Variants in MAP3K5 observed in about 807,000 individuals in gnomAD.
The protein encoded by MAP3K5 is mitogen-activated protein kinase kinase kinase 5.
Under a neutral mutation model 158.7 loss-of-function variants are expected in MAP3K5, and 56 were observed. The observed-to-expected ratio is 0.35, with a 90% CI of 0.28 to 0.44. MAP3K5 has a LOEUF of 0.44. Ranked by LOEUF, MAP3K5 falls within the 20% of genes least tolerant of loss-of-function variation. The probability of loss-of-function intolerance (pLI) is 1.00; values close to 1 mark genes in which losing one functional copy is unlikely to be tolerated. For synonymous variants in MAP3K5, 579 were observed against 601.7 expected (o/e 0.96, Z 0.55); for missense variants, 1,294 against 1,674.8 (o/e 0.77, Z 3.97).
intron 15 of MAP3K5, among the ~76,000 whole-genome samples, chr6:136,618,143 T>C (rs975211146): frequency 6.6e-6 from 1 of 152,224 alleles, no homozygotes; most frequent in African/African-American, 2.4e-5. Context: ...CTGATCCTTC[T>C]TTACAGATGG....
chr6:136,635,242 C>A (rs1010903045), intron 14 of MAP3K5, among the ~76,000 whole-genome samples: 1 of 151,420 alleles, frequency 6.6e-6, no homozygotes, highest in African/African-American at 2.4e-5. Context: ...TTTTCAATTT[C>A]TTTAAGTTTT....
chr6:136,755,905 A>G (rs763068517), intron 1 of MAP3K5, among the ~76,000 whole-genome samples: 10 of 152,150 alleles, frequency 6.6e-5, no homozygotes, highest in South Asian at 4.1e-4. Flanking sequence ...AGAAAACACT[A>G]TCACTGGTAA....
At chr6:136,700,112 G>T (rs1177197263) in intron 3 of MAP3K5, among the ~76,000 whole-genome samples, 2 of 152,006 alleles carry the variant, frequency 1.3e-5, no homozygotes, top group Admixed American at 6.6e-5. Flanking sequence ...AGGAGAAAGA[G>T]AGAGAGAAAG....
At chr6:136,661,875 T>C (rs1208856726) in intron 8 of MAP3K5, among the ~76,000 whole-genome samples, 1 of 152,214 alleles carries the variant, frequency 6.6e-6, no homozygotes, top group Non-Finnish European at 1.5e-5. Context: ...TCAGATGCAC[T>C]CTTGAACCTC....
chr6:136,736,956 G>A (rs537756436), intron 1 of MAP3K5, among the ~76,000 whole-genome samples: 1 of 150,460 alleles, frequency 6.6e-6, no homozygotes, highest in East Asian at 1.9e-4. Context: ...GGGATTACAG[G>A]TACGGATATG....
At chr6:136,558,333 C>G (rs895691611) in intron 29 of MAP3K5, among the ~76,000 whole-genome samples, 21 of 151,192 alleles carry the variant, frequency 1.4e-4, no homozygotes, top group Non-Finnish European at 1.5e-5. Context: ...GAGCTGAGAT[C>G]ACGCCACTGC....
At chr6:136,749,009 T>C (rs1205560525) in intron 1 of MAP3K5, among the ~76,000 whole-genome samples, 1 of 152,228 alleles carries the variant, frequency 6.6e-6, no homozygotes, top group East Asian at 1.9e-4. Flanking sequence ...AAGAAAATTA[T>C]ATAATATGCT....
chr6:136,697,066 A>G (rs1343004028), intron 5 of MAP3K5, among the ~76,000 whole-genome samples, 153 bp downstream of exon 5: 3 of 152,234 alleles, frequency 2.0e-5, no homozygotes, highest in Admixed American at 2.0e-4. Context: ...TTCATTCATC[A>G]TAAAATTATA....
chr6:136,629,369 T>G (rs1777203934), intron 14 of MAP3K5: 1 of 152,204 alleles, frequency 6.6e-6, no homozygotes, highest in Non-Finnish European at 1.5e-5. Flanking sequence ...CATTAATAAC[T>G]ACTAATAACA....
At chr6:136,653,464 T>C (rs888882866) in intron 10 of MAP3K5, among the ~76,000 whole-genome samples, 1 of 152,210 alleles carries the variant, frequency 6.6e-6, no homozygotes, top group African/African-American at 2.4e-5. Flanking sequence ...GCAACCTTTG[T>C]AGTGTGAGCC....
chr6:136,735,445 C>T (rs1174678356), intron 1 of MAP3K5, among the ~76,000 whole-genome samples: 1 of 152,082 alleles, frequency 6.6e-6, no homozygotes, highest in Non-Finnish European at 1.5e-5. Flanking sequence ...ATTTTGAAAA[C>T]TGACAGGATA....
chr6:136,657,102 C>A (rs1005966331), intron 9 of MAP3K5, among the ~76,000 whole-genome samples: 8 of 152,130 alleles, frequency 5.3e-5, no homozygotes, highest in African/African-American at 1.7e-4. Context: ...GCGGTTAATG[C>A]ATTTGTTTTT....
At chr6:136,709,511 C>G (rs1177701386) in intron 2 of MAP3K5, among the ~76,000 whole-genome samples, 5 of 152,056 alleles carry the variant, frequency 3.3e-5, no homozygotes, top group Non-Finnish European at 7.4e-5. Flanking sequence ...GATATTCTAC[C>G]CTTGACTCTG....
At chr6:136,731,459 G>A (rs1322966473) in intron 1 of MAP3K5, among the ~76,000 whole-genome samples, 2 of 152,174 alleles carry the variant, frequency 1.3e-5, no homozygotes, top group Non-Finnish European at 2.9e-5. Context: ...TCCTTGGCTT[G>A]TGATGTGTAT....
chr6:136,717,277 A>G (rs1781569561), intron 2 of MAP3K5, among the ~76,000 whole-genome samples: 2 of 152,204 alleles, frequency 1.3e-5, no homozygotes, highest in South Asian at 2.1e-4. Context: ...ATATCCTTTC[A>G]AATGATACTT....
chr6:136,614,317 T>C (rs1028871304), intron 15 of MAP3K5, 31 bp from the exon 16 acceptor site: 1 of 1,605,468 alleles, frequency 6.2e-7, no homozygotes, highest in African/African-American at 1.3e-5. Context: ...AATGAGTTAA[T>C]TATGTAGCCA....
intron 11 of MAP3K5, among the ~76,000 whole-genome samples, chr6:136,645,319 G>A: frequency 6.6e-6 from 1 of 152,150 alleles, no homozygotes; most frequent in East Asian, 1.9e-4. Flanking sequence ...CTTGGTGGAT[G>A]ACAGCATCAA....
chr6:136,601,171 T>C (rs1583252004), intron 20 of MAP3K5, 129 bp from the exon 21 acceptor site: 1 of 774,026 alleles, frequency 1.3e-6, no homozygotes, highest in African/African-American at 1.7e-5. Flanking sequence ...CTGCCCATTC[T>C]CCTCCAATAT....
chr6:136,731,596 C>T (rs538909365), intron 1 of MAP3K5, among the ~76,000 whole-genome samples: 1 of 152,252 alleles, frequency 6.6e-6, no homozygotes, highest in South Asian at 2.1e-4. Context: ...TGCAAAGACT[C>T]GTTTTCCAAA....
Sources: gnomAD v4.1 joint callset for allele counts (sites outside exome capture counted in the v4.1 genomes callset) on GRCh38, gnomAD v4.1.1 for gene constraint, MANE v1.5 for transcripts, NCBI Gene and HGNC (gene_info 2026-07-23, HGNC 2026-07-21) for gene names.